Variants in RGS7BP observed in about 807,000 individuals in gnomAD.
RGS7BP encodes regulator of G protein signaling 7-binding protein.
A neutral mutation model predicts 31.3 loss-of-function variants in RGS7BP; 9 were observed. That is an observed-to-expected ratio of 0.29 (90% confidence interval 0.17 to 0.50). The LOEUF is 0.50. Ranked by LOEUF, RGS7BP falls within the 20% of genes least tolerant of loss-of-function variation. RGS7BP has a pLI of 0.98. For synonymous variants in RGS7BP, 115 were observed against 120.1 expected (o/e 0.96, Z 0.28); for missense variants, 274 against 322.0 (o/e 0.85, Z 1.14).
At chr5:64,532,787 T>G (rs569653390) in intron 2 of RGS7BP, among the ~76,000 whole-genome samples, 1 of 151,062 alleles carries the variant, frequency 6.6e-6, no homozygotes, top group Admixed American at 6.6e-5. Flanking sequence ...CCCAACCCCC[T>G]TTTCAGGCCA....
chr5:64,516,009 G>T (rs1274007293), intron 2 of RGS7BP, among the ~76,000 whole-genome samples: 1 of 151,934 alleles, frequency 6.6e-6, no homozygotes, highest in Non-Finnish European at 1.5e-5. Flanking sequence ...TTGCTATATT[G>T]CCAAAGCTAG....
At chr5:64,583,190 C>G (rs962713149) in intron 3 of RGS7BP, among the ~76,000 whole-genome samples, 4 of 152,074 alleles carry the variant, frequency 2.6e-5, no homozygotes, top group African/African-American at 9.7e-5. Flanking sequence ...GAGTTCCAGA[C>G]CAGCCCGGCC....
chr5:64,569,542 G>A (rs1348239823), intron 2 of RGS7BP, among the ~76,000 whole-genome samples: 2 of 152,084 alleles, frequency 1.3e-5, no homozygotes, highest in Non-Finnish European at 2.9e-5. Context: ...ATGAGAGTCT[G>A]TAATTACCTT....
At chr5:64,533,969 T>A (rs957701146) in intron 2 of RGS7BP, among the ~76,000 whole-genome samples, 10 of 152,104 alleles carry the variant, frequency 6.6e-5, no homozygotes, top group Non-Finnish European at 1.3e-4. Context: ...AGAAAGCAAA[T>A]AAATAAACAA....
intron 2 of RGS7BP, among the ~76,000 whole-genome samples, chr5:64,563,538 GC>G (rs967543098): frequency 2.0e-4 from 31 of 152,208 alleles, no homozygotes; most frequent in African/African-American, 7.2e-4. Flanking sequence ...TTAGGATGAT[GC>G]TTTTATAAGC....
rs1339044674 is a variant in RGS7BP, at chr5:64,520,524, A to T, written c.332+12647A>T. Among the ~76,000 whole-genome samples the T allele has an allele frequency of 2.0e-5, 3 of 152,082 alleles. No homozygotes were observed. The East Asian group carries it at 5.8e-4, about 29-fold the overall frequency. On this transcript the variant is annotated intron_variant, in intron 2 of 5. Transcript: ENST00000334025. ...CCCAGCACTTTTCTCTGGACCCCGA[A>T]TTTTTCAGTCTTTCTTTCCCTATAC...
intron 2 of RGS7BP, among the ~76,000 whole-genome samples, chr5:64,521,116 A>T (rs1286355296): frequency 2.6e-5 from 4 of 152,192 alleles, no homozygotes; most frequent in Non-Finnish European, 4.4e-5. Context: ...TTAGGGCTTC[A>T]GGCTCTGAGT....
At chr5:64,534,660 CA>C (rs1337544681) in intron 2 of RGS7BP, among the ~76,000 whole-genome samples, 1 of 152,056 alleles carries the variant, frequency 6.6e-6, no homozygotes, top group Non-Finnish European at 1.5e-5. Context: ...GATGAGAGAG[CA>C]AAAAATCAAA....
chr5:64,603,874 T>C (rs1743284665), intron 5 of RGS7BP, among the ~76,000 whole-genome samples: 1 of 152,056 alleles, frequency 6.6e-6, no homozygotes. Flanking sequence ...GTAGCAATTG[T>C]TTATAGAAGC....
At chr5:64,562,840 T>A (rs942601730) in intron 2 of RGS7BP, among the ~76,000 whole-genome samples, 2 of 152,168 alleles carry the variant, frequency 1.3e-5, no homozygotes, top group Admixed American at 6.6e-5. Flanking sequence ...TTGATCCATT[T>A]CAACAAACAT....
At chr5:64,558,977 A>G (rs557592761) in intron 2 of RGS7BP, among the ~76,000 whole-genome samples, 1 of 152,304 alleles carries the variant, frequency 6.6e-6, no homozygotes, top group Non-Finnish European at 1.5e-5. Context: ...TAAGATGTTT[A>G]TCAATGACAA....
At chr5:64,525,265 A>C (rs1318379514) in intron 2 of RGS7BP, among the ~76,000 whole-genome samples, 2 of 152,138 alleles carry the variant, frequency 1.3e-5, no homozygotes, top group Non-Finnish European at 2.9e-5. Context: ...GGTGTTCTTA[A>C]TGTAGGAGCG....
At chr5:64,566,532 C>G (rs1316391833) in intron 2 of RGS7BP, among the ~76,000 whole-genome samples, 1 of 151,948 alleles carries the variant, frequency 6.6e-6, no homozygotes, top group Non-Finnish European at 1.5e-5. Flanking sequence ...GGGTGGTCCT[C>G]TGGGTGCACA....
intron 3 of RGS7BP, among the ~76,000 whole-genome samples, chr5:64,577,732 C>G (rs1430168829): frequency 1.3e-5 from 2 of 152,202 alleles, no homozygotes; most frequent in Non-Finnish European, 2.9e-5. Context: ...CTCTCTGTCT[C>G]TCTCTGACAC....
chr5:64,557,732 T>A lies in RGS7BP; in HGVS notation c.333-18042T>A, dbSNP rs369309114. Among the ~76,000 whole-genome samples the A allele has an allele frequency of 2.4e-4, 37 of 152,226 alleles. 1 individual carries two copies. In the East Asian group the frequency reaches 3.3e-3, roughly 14 times the overall value. The stretch of plus-strand genomic sequence containing the variant: ...GCCTCTGAGTTTATCACTTTTGACT[T>A]TGCCCTTGCCCTTGCCTAGAACATT... On this transcript the variant is annotated intron_variant, in intron 2 of 5. Transcript: ENST00000334025.
At chr5:64,531,176 T>C (rs1157656805) in intron 2 of RGS7BP, among the ~76,000 whole-genome samples, 1 of 152,178 alleles carries the variant, frequency 6.6e-6, no homozygotes, top group Non-Finnish European at 1.5e-5. Flanking sequence ...CCATCAATAA[T>C]GGGGAGTCCC....
At position 64,598,301 on chromosome 5, in the gene RGS7BP, ATTGT is replaced by A. The variant is rs1405725638; in HGVS notation, c.612-60_612-57del. 1.3e-5 allele frequency: 12 copies of A among 925,204 alleles called. No homozygotes were observed. In the East Asian group the frequency reaches 1.7e-4, roughly 13 times the overall value. The allele number at this position is 925,204 out of a possible 1,614,324, so 57.3% of individuals were successfully genotyped here. A position where few individuals can be genotyped will look rare whatever the true frequency, so the allele number is the denominator to read the frequency against. On this transcript the variant is annotated intron_variant, in intron 4 of 5. Coordinates refer to ENST00000334025, the MANE Select transcript of RGS7BP (RefSeq NM_001029875.3). The stretch of plus-strand genomic sequence containing the variant: ...ATCTTTCAGTTGTCTCATATAACAG[ATTGT>A]TTGAGATTTCATTTTGAAAATTTAC...
Position 64,506,316 on chromosome 5 carries a change from C to T in RGS7BP, c.-309C>T, listed in dbSNP as rs1359056571. 7.3e-6 allele frequency: 2 copies of T among 272,502 alleles called. No individual in the cohort carries two copies. Among genetic ancestry groups the T allele is most frequent in the East Asian group, 1.2e-4 (2 of 16,154 alleles). The allele number at this position is 272,502 out of a possible 1,614,324, so 16.9% of individuals were successfully genotyped here. ...TCTCGCCCAGCCTTGCAATCCATGC[C>T]GAGAGGAAGGCAGTGCGAGCCCGCG... On this transcript the variant is annotated 5_prime_UTR_variant, in exon 1 of 6. Transcript: ENST00000334025. The surrounding 1 kb of genome is among the most constrained non-coding windows in gnomAD (Gnocchi z 4.6).
chr5:64,562,747 A>G (rs892474037), intron 2 of RGS7BP, among the ~76,000 whole-genome samples: 1 of 152,138 alleles, frequency 6.6e-6, no homozygotes, highest in Non-Finnish European at 1.5e-5. Context: ...CCAGCACAAC[A>G]CCGTTTCCAA....
Sources: gnomAD v4.1 joint callset for allele counts (sites outside exome capture counted in the v4.1 genomes callset) on GRCh38, gnomAD v4.1.1 for gene constraint, Gnocchi (gnomAD v3.1) non-coding constraint, MANE v1.5 for transcripts, NCBI Gene and HGNC (gene_info 2026-07-23, HGNC 2026-07-21) for gene names.